Variants in ABCE1 observed in about 807,000 individuals in gnomAD.
ABCE1 encodes the protein ATP binding cassette subfamily E member 1.
ABCE1 carries 22 observed loss-of-function variants against 83.4 expected under a neutral mutation model. The observed-to-expected ratio is 0.26, with a 90% CI of 0.19 to 0.38. ABCE1 has a LOEUF of 0.38. ABCE1 is among the 10% of genes least tolerant of loss of function. ABCE1 has a pLI of 1.00. For missense variants in ABCE1, 330 were observed against 721.9 expected (o/e 0.46, Z 6.22); for synonymous variants, 204 against 233.7 (o/e 0.87, Z 1.16).
intron 9 of ABCE1, among the ~76,000 whole-genome samples, chr4:145,113,106 A>G (rs1360727595): frequency 6.6e-6 from 1 of 152,206 alleles, no homozygotes; most frequent in Non-Finnish European, 1.5e-5. Context: ...TAGAGGAGTA[A>G]TAGGACCAGA....
intron 1 of ABCE1, among the ~76,000 whole-genome samples, chr4:145,099,325 C>G (rs1369141006): frequency 3.3e-5 from 5 of 152,150 alleles, no homozygotes; most frequent in African/African-American, 1.2e-4. Context: ...TTTTTTTACT[C>G]TTTCCCAACA....
intron 17 of ABCE1, among the ~76,000 whole-genome samples, chr4:145,126,051 C>T (rs1326721105): frequency 2.0e-5 from 3 of 151,952 alleles, no homozygotes; most frequent in South Asian, 2.1e-4. Flanking sequence ...TGCCCCCGCC[C>T]CCGCAACCCC....
chr4:145,109,643 C>G (rs1298718129), intron 5 of ABCE1, among the ~76,000 whole-genome samples: 1 of 152,110 alleles, frequency 6.6e-6, no homozygotes, highest in African/African-American at 2.4e-5. Context: ...GTGTAATGTT[C>G]TTAAGTTAGA....
At chr4:145,108,289 C>T (rs1749362592) in intron 4 of ABCE1, among the ~76,000 whole-genome samples, 177 bp downstream of exon 4, 1 of 152,178 alleles carries the variant, frequency 6.6e-6, no homozygotes, top group Non-Finnish European at 1.5e-5. Context: ...TTCTGGCTAA[C>T]ATTACAGTTA....
rs760767343 is a variant in ABCE1, at chr4:145,104,558, G to C, written c.103+43G>C. 4.6e-6 allele frequency: 6 copies of C among 1,305,442 alleles called. No homozygotes were observed. The African/African-American group carries it at 7.6e-5, about 17-fold the overall frequency. 80.9% of individuals were successfully genotyped at this position (1,305,442 alleles called of 1,614,324 possible). A position where few individuals can be genotyped will look rare whatever the true frequency, so the allele number is the denominator to read the frequency against. On this transcript the variant is annotated intron_variant, in intron 2 of 17. Coordinates refer to ENST00000296577, the MANE Select transcript of ABCE1 (RefSeq NM_002940.3). Reference sequence around the variant, plus strand: ...TCATTTAAGTATAAAAGAAAACCATGAAAGAAATCAACTGGTTTGATAATT... The same window carrying C: ...TCATTTAAGTATAAAAGAAAACCATCAAAGAAATCAACTGGTTTGATAATT...
At chr4:145,109,276 A>G (rs2126703479) in intron 5 of ABCE1, 27 bp downstream of exon 5, 1 of 1,361,320 alleles carries the variant, frequency 7.3e-7, no homozygotes, top group East Asian at 2.4e-5. Flanking sequence ...TGTAAAAATT[A>G]ATATCATGAG....
chr4:145,125,579 T>C (rs1749858943), intron 17 of ABCE1, among the ~76,000 whole-genome samples: 1 of 152,222 alleles, frequency 6.6e-6, no homozygotes, highest in Non-Finnish European at 1.5e-5. Flanking sequence ...GCAATTGTAA[T>C]GTAGCTGTCA....
intron 3 of ABCE1, among the ~76,000 whole-genome samples, chr4:145,107,482 C>T (rs2126702011): frequency 6.6e-6 from 1 of 152,192 alleles, no homozygotes; most frequent in Non-Finnish European, 1.5e-5. Context: ...TATGTTTTAA[C>T]AAAACCAAAC....
chr4:145,098,889 C>T (rs1748994808), intron 1 of ABCE1, among the ~76,000 whole-genome samples: 1 of 152,228 alleles, frequency 6.6e-6, no homozygotes, highest in South Asian at 2.1e-4. Context: ...TGAGTCATGG[C>T]ATCTTGCCGC....
intron 2 of ABCE1, 130 bp from the exon 3 acceptor site, chr4:145,105,471 ATTTC>A: frequency 5.1e-6 from 3 of 586,028 alleles, no homozygotes; most frequent in Non-Finnish European, 9.1e-6. Flanking sequence ...TCTCAAATGT[ATTTC>A]TTTGTGTGGC....
chr4:145,113,105 A>G (rs1023934323), intron 9 of ABCE1, among the ~76,000 whole-genome samples: 3 of 152,212 alleles, frequency 2.0e-5, no homozygotes, highest in African/African-American at 7.2e-5. Context: ...ATAGAGGAGT[A>G]ATAGGACCAG....
chr4:145,126,298 GTTGT>G (rs757557609), intron 17 of ABCE1, among the ~76,000 whole-genome samples: 1 of 151,928 alleles, frequency 6.6e-6, no homozygotes, highest in African/African-American at 2.4e-5. Context: ...TTTGGTTTTA[GTTGT>G]TTGTTTTTTT....
At chr4:145,105,789 A>G (rs1377868442) in intron 3 of ABCE1, 99 bp downstream of exon 3, 4 of 624,490 alleles carry the variant, frequency 6.4e-6, no homozygotes, top group African/African-American at 3.8e-5. Flanking sequence ...GAGGCAAAGT[A>G]TAAAGCAAAT....
intron 3 of ABCE1, among the ~76,000 whole-genome samples, chr4:145,107,086 C>T (rs1376054782): frequency 6.6e-6 from 1 of 152,018 alleles, no homozygotes; most frequent in Non-Finnish European, 1.5e-5. Context: ...TCTTAAATGA[C>T]CTTCCTGTTT....
Position 145,120,044 on chromosome 4 carries a change from G to A in ABCE1, c.1035G>A (p.Met345Ile), listed in dbSNP as rs1268934875. 6.2e-7 allele frequency: 1 copy of A among 1,612,450 alleles called. No homozygotes were observed. The highest frequency in any genetic ancestry group is 1.7e-5 in the Admixed American group (1 of 59,784). ...ETANEEEVKK[M>I]CMYKYPGMKK... ...CAAATGAAGAAGAAGTTAAAAAGAT[G>A]TGTATGTATAAATATCCAGGAATGA... is the stretch of plus-strand genomic sequence containing the variant. Residue 345 changes from methionine to isoleucine, a missense_variant, in exon 11 of 18, where the codon ATG becomes ATA. Coordinates refer to ENST00000296577, the MANE Select transcript of ABCE1 (RefSeq NM_002940.3).
rs1560964558 is a variant in ABCE1, at chr4:145,121,231, G to A, written c.1202G>A (p.Gly401Glu). 3 of 1,613,790 alleles carry A rather than the reference G, an allele frequency of 1.9e-6. No homozygotes were observed. The highest frequency in any genetic ancestry group is 2.5e-6 in the Non-Finnish European group (3 of 1,179,844). Residue 401 changes from glycine (G) to glutamate (E), a missense_variant and splice_region_variant, in exon 12 of 18, where the codon GGA becomes GAA. Transcript: ENST00000296577. ...GCTGGAAGACTTAAACCTGATGAAG[G>A]AGGTACATTTGTAACTGTTGAGTCT... ...MLAGRLKPDE[G>E]GEVPVLNVSY...
chr4:145,113,608 G>T (rs965738969), intron 9 of ABCE1, among the ~76,000 whole-genome samples: 1 of 152,106 alleles, frequency 6.6e-6, no homozygotes, highest in Non-Finnish European at 1.5e-5. Flanking sequence ...AAATTAGCCA[G>T]CACATATTAT....
chr4:145,114,685 A>G (rs2126708050), intron 9 of ABCE1, among the ~76,000 whole-genome samples: 1 of 152,124 alleles, frequency 6.6e-6, no homozygotes, highest in Non-Finnish European at 1.5e-5. Context: ...CTAGTTAAGG[A>G]AAAGTAATAC....
At position 145,123,071 on chromosome 4, in the gene ABCE1, C is replaced by T. The variant is rs1297815581; in HGVS notation, c.1314C>T (p.His438=). 3.1e-6 allele frequency: 5 copies of T among 1,606,474 alleles called. No individual in the cohort carries two copies. In the Admixed American group the frequency reaches 6.7e-5, roughly 22 times the overall value. The change falls in exon 14 of 18, where the codon CAC becomes CAT. Residue 438 remains histidine (H), a synonymous_variant. Coordinates refer to ENST00000296577, the MANE Select transcript of ABCE1 (RefSeq NM_002940.3). ...AAAAGATAAGAGATGCTTATACTCA[C>T]CCACAATTTGTGACCGATGTAATGA... is the stretch of plus-strand genomic sequence containing the variant. ...LHEKIRDAYT[H]PQFVTDVMKP...
Sources: gnomAD v4.1 joint callset for allele counts (sites outside exome capture counted in the v4.1 genomes callset) on GRCh38, gnomAD v4.1.1 for gene constraint, MANE v1.5 for transcripts, NCBI Gene and HGNC (gene_info 2026-07-23, HGNC 2026-07-21) for gene names.